Variants in SPATA22 observed in about 807,000 individuals in gnomAD.
The protein encoded by SPATA22 is spermatogenesis-associated protein 22.
A neutral mutation model predicts 47.8 loss-of-function variants in SPATA22; 29 were observed. That is an observed-to-expected ratio of 0.61 (90% CI 0.45 to 0.83). SPATA22 has a LOEUF of 0.83. SPATA22 is among the 40% of genes least tolerant of loss of function. The probability of loss-of-function intolerance (pLI) is 0.00; values close to 1 mark genes in which losing one functional copy is unlikely to be tolerated. For synonymous variants in SPATA22, 133 were observed against 140.9 expected (o/e 0.94, Z 0.40); for missense variants, 410 against 421.7 (o/e 0.97, Z 0.24).
At chr17:3,465,380 G>C (rs1264422923) in intron 3 of SPATA22, among the ~76,000 whole-genome samples, 3 of 151,868 alleles carry the variant, frequency 2.0e-5, no homozygotes, top group Non-Finnish European at 2.9e-5. Context: ...GATGGTTGCC[G>C]TGTCAGTGTA....
At chr17:3,473,248 G>A (rs758425298), upstream of SPATA22, among the ~76,000 whole-genome samples, 84 of 152,008 alleles carry the variant, frequency 5.5e-4, no homozygotes, top group Non-Finnish European at 9.0e-4. Context: ...ATTTCCACCT[G>A]GAAAGTTGGT....
intron 1 of SPATA22, among the ~76,000 whole-genome samples, chr17:3,487,820 C>A (rs185791731): frequency 6.6e-6 from 1 of 152,246 alleles, no homozygotes; most frequent in East Asian, 1.9e-4. Context: ...CTATTAGAAA[C>A]AGGAGGAAAG....
chr17:3,463,999 CCT>C (rs1341789142), intron 3 of SPATA22, among the ~76,000 whole-genome samples: 9 of 147,278 alleles, frequency 6.1e-5, no homozygotes, highest in African/African-American at 1.5e-4. Flanking sequence ...TCTCCCTCTC[CCT>C]CTGTTTCCAC....
chr17:3,448,378 G>C (rs901653621), intron 6 of SPATA22, among the ~76,000 whole-genome samples: 1 of 152,190 alleles, frequency 6.6e-6, no homozygotes, highest in African/African-American at 2.4e-5. Context: ...TGGCAGAGTT[G>C]AGTAGTATTG....
chr17:3,467,100 T>C (rs1180195431), intron 3 of SPATA22, among the ~76,000 whole-genome samples: 3 of 152,220 alleles, frequency 2.0e-5, no homozygotes, highest in African/African-American at 7.2e-5. Context: ...AGTGTTTCCA[T>C]TCTTTACCAC....
At chr17:3,481,841 T>C (rs2073636895) in intron 1 of SPATA22, 1 of 1,488,430 alleles carries the variant, frequency 6.7e-7, no homozygotes, top group African/African-American at 1.4e-5. Flanking sequence ...AAAGGACTTG[T>C]ACTTTTAAGT....
At chr17:3,507,992 A>G (rs1269359628) in intron 1 of SPATA22, among the ~76,000 whole-genome samples, 2 of 152,184 alleles carry the variant, frequency 1.3e-5, no homozygotes, top group African/African-American at 4.8e-5. Flanking sequence ...TAGGATGTGA[A>G]TCACGTACAA....
chr17:3,489,142 A>G, intron 1 of SPATA22: 1 of 818,830 alleles, frequency 1.2e-6, no homozygotes, highest in Non-Finnish European at 2.0e-6. Flanking sequence ...AATTTTAACA[A>G]CATAATTCTA....
At chr17:3,442,354 T>G (rs1006899870) in intron 8 of SPATA22, among the ~76,000 whole-genome samples, 1 of 151,990 alleles carries the variant, frequency 6.6e-6, no homozygotes, top group Non-Finnish European at 1.5e-5. Flanking sequence ...TTCAAGTAAT[T>G]TAAGCAGCTT....
chr17:3,443,365 TC>T (rs2072639796), intron 7 of SPATA22, 94 bp from the exon 8 acceptor site: 1 of 792,740 alleles, frequency 1.3e-6, no homozygotes, highest in African/African-American at 1.8e-5. Flanking sequence ...ACTATCCATA[TC>T]AACCTCTCAT....
chr17:3,454,037 C>T (rs866707154), intron 5 of SPATA22, among the ~76,000 whole-genome samples: 16 of 151,740 alleles, frequency 1.1e-4, no homozygotes, highest in African/African-American at 3.9e-4. Context: ...TTGCAGGATA[C>T]AAAATCAACA....
chr17:3,441,758 C>T (rs975835908), intron 8 of SPATA22: 10 of 151,920 alleles, frequency 6.6e-5, no homozygotes, highest in Non-Finnish European at 1.3e-4. Flanking sequence ...CAAATGCCCA[C>T]CAACAGTGAA....
At chr17:3,463,519 C>T (rs1352228585) in intron 3 of SPATA22, among the ~76,000 whole-genome samples, 2 of 152,108 alleles carry the variant, frequency 1.3e-5, no homozygotes, top group Non-Finnish European at 2.9e-5. Context: ...CCTAAGAGGG[C>T]ACTTACCATA....
At chr17:3,446,340 C>CTT (rs34586104) in intron 7 of SPATA22, 132 bp downstream of exon 7, 498,860 of 799,856 alleles carry the variant, frequency 0.62, 162,251 homozygotes, top group Non-Finnish European at 0.68. Context: ...ATTATTAAAA[C>CTT]CAGTTCTTTG....
chr17:3,496,946 A>G (rs1218903512), intron 1 of SPATA22, among the ~76,000 whole-genome samples: 10 of 152,282 alleles, frequency 6.6e-5, no homozygotes, highest in African/African-American at 1.7e-4. Context: ...GGCGCCTGTA[A>G]TCCCAGCTAC....
intron 8 of SPATA22, chr17:3,441,379 C>T (rs1042671643): frequency 1.3e-5 from 2 of 151,654 alleles, no homozygotes; most frequent in African/African-American, 4.8e-5. Context: ...ACAGACTTTA[C>T]AAAAAAGATA....
At chr17:3,493,069 T>C (rs2073850871) in intron 1 of SPATA22, among the ~76,000 whole-genome samples, 1 of 152,206 alleles carries the variant, frequency 6.6e-6, no homozygotes, top group African/African-American at 2.4e-5. Context: ...CATAACACGC[T>C]GTGGGCCCTA....
At chr17:3,443,795 T>C (rs141165937) in intron 7 of SPATA22, among the ~76,000 whole-genome samples, 1 of 152,084 alleles carries the variant, frequency 6.6e-6, no homozygotes, top group Non-Finnish European at 1.5e-5. Flanking sequence ...ACATACAATA[T>C]ATTTTCATAT....
intron 1 of SPATA22, among the ~76,000 whole-genome samples, chr17:3,493,560 C>CAAAAA (rs746229421): frequency 1.2e-4 from 7 of 56,370 alleles, no homozygotes; most frequent in Non-Finnish European, 1.8e-4. Flanking sequence ...GGTTCCATCT[C>CAAAAA]AAAAAAAAAA....
Sources: allele counts gnomAD v4.1 joint callset (sites outside exome capture counted in the v4.1 genomes callset), GRCh38; gene constraint gnomAD v4.1.1; transcripts MANE v1.5; gene names NCBI Gene and HGNC (gene_info 2026-07-23, HGNC 2026-07-21).